CCNYL1: variants seen among roughly 807,000 people sequenced by gnomAD.
CCNYL1 encodes the protein cyclin-Y-like protein 1.
Under a neutral mutation model 44.2 loss-of-function variants are expected in CCNYL1, and 16 were observed. The ratio of observed to expected loss-of-function variants is 0.36; its 90% CI spans 0.25 to 0.55. The LOEUF (loss-of-function observed/expected upper bound fraction) is 0.55, where lower values mean the gene tolerates loss of function less well. Ranked by LOEUF, CCNYL1 falls within the 20% of genes least tolerant of loss-of-function variation. The probability of loss-of-function intolerance (pLI) is 0.85; values close to 1 mark genes in which losing one functional copy is unlikely to be tolerated. For missense variants in CCNYL1, 348 were observed against 451.8 expected (o/e 0.77, Z 2.08); for synonymous variants, 159 against 163.2 (o/e 0.97, Z 0.20).
intron 1 of CCNYL1, among the ~76,000 whole-genome samples, chr2:207,720,497 T>C (rs1575209711): frequency 6.6e-6 from 1 of 151,434 alleles, no homozygotes; most frequent in South Asian, 2.1e-4. Flanking sequence ...TAACCTCAAA[T>C]CCCTGGGCTC....
At chr2:207,748,980 A>G (rs914008214) in intron 8 of CCNYL1, among the ~76,000 whole-genome samples, 3 of 152,236 alleles carry the variant, frequency 2.0e-5, no homozygotes, top group African/African-American at 7.2e-5. Flanking sequence ...AAAATTTATT[A>G]TTATGAACAC....
At chr2:207,746,386 A>G (rs1396973861) in intron 7 of CCNYL1, among the ~76,000 whole-genome samples, 1 of 152,228 alleles carries the variant, frequency 6.6e-6, no homozygotes, top group East Asian at 1.9e-4. Flanking sequence ...ACTATCTACC[A>G]TGCAAGTATG....
intron 1 of CCNYL1, among the ~76,000 whole-genome samples, chr2:207,715,985 T>C (rs1169488188): frequency 1.3e-5 from 2 of 152,124 alleles, no homozygotes; most frequent in African/African-American, 4.8e-5. Flanking sequence ...CTCGTCAAGC[T>C]AAGAGATGCT....
chr2:207,722,191 G>C (rs2091645382), intron 1 of CCNYL1, among the ~76,000 whole-genome samples: 1 of 151,188 alleles, frequency 6.6e-6, no homozygotes, highest in Non-Finnish European at 1.5e-5. Context: ...TTCTGCTTCA[G>C]CCTCCCGAGT....
chr2:207,745,524 A>C lies in CCNYL1; in HGVS notation c.640-1523A>C, dbSNP rs79369273. The stretch of plus-strand genomic sequence containing the variant: ...AGAGTGCAGAATTTGGGGGAAAGGG[A>C]ACAGAATCTCTCTTAAGAACATGTC... On this transcript the variant is annotated intron_variant, in intron 7 of 9. Transcript: ENST00000295414. 9.5e-3 allele frequency among the ~76,000 whole-genome samples: 1,442 copies of C among 152,312 alleles called. 16 individuals are homozygous for C. The highest frequency in any genetic ancestry group is 0.015 in the Non-Finnish European group (1,025 of 68,018).
chr2:207,742,255 T>A lies in CCNYL1; in HGVS notation c.552T>A (p.His184Gln). ...REKVPEEYFK[H>Q]DPEHKFIYRF... ...AAGTTCCAGAGGAATACTTTAAGCA[T>A]GATCCTGAGCACAAATTTATTTACA... is the stretch of plus-strand genomic sequence containing the variant. The change falls in exon 7 of 10, where the codon CAT becomes CAA. Residue 184 changes from histidine to glutamine, a missense_variant. By Grantham distance (24) the His-to-Gln change is conservative. Transcript: ENST00000295414. 1 of 1,612,738 alleles carries A rather than the reference T, an allele frequency of 6.2e-7. No homozygotes were observed. Among genetic ancestry groups the A allele is most frequent in the Non-Finnish European group, 8.5e-7 (1 of 1,179,804 alleles).
intron 9 of CCNYL1, among the ~76,000 whole-genome samples, chr2:207,751,847 T>C (rs923942131): frequency 1.7e-5 from 2 of 115,972 alleles, no homozygotes; most frequent in Non-Finnish European, 3.5e-5. Context: ...AGAGCGAAAC[T>C]CCATCTCAAA....
chr2:207,743,162 T>A (rs765593969), intron 7 of CCNYL1, among the ~76,000 whole-genome samples: 1 of 152,348 alleles, frequency 6.6e-6, no homozygotes, highest in Non-Finnish European at 1.5e-5. Context: ...CAGTGGGTAC[T>A]GGATCAGACT....
rs1258612555 is a variant in CCNYL1, at chr2:207,711,999, G to C, written c.103G>C (p.Ala35Pro). 1 of 1,470,268 alleles carries C rather than the reference G, an allele frequency of 6.8e-7. No individual in the cohort carries two copies. Among genetic ancestry groups the C allele is most frequent in the East Asian group, 2.7e-5 (1 of 36,606 alleles). 91.1% of individuals were successfully genotyped at this position (1,470,268 alleles called of 1,614,324 possible). A position where few individuals can be genotyped will look rare whatever the true frequency, so the allele number is the denominator to read the frequency against. ...GTACTGCGCGTCCGACATCTACGAG[G>C]CGGTGTCCGGGGACGCGGTGGCGGT... ...ELYCASDIYE[A>P]VSGDAVAVAP... is the part of the protein sequence containing the mutation. Residue 35 changes from alanine (A) to proline (P), a missense_variant, in exon 1 of 10, where the codon GCG becomes CCG. Ala to Pro is a conservative substitution (Grantham distance 27). Transcript: ENST00000295414.
chr2:207,730,079 G>A (rs191450132), intron 3 of CCNYL1, among the ~76,000 whole-genome samples: 3 of 152,274 alleles, frequency 2.0e-5, no homozygotes, highest in East Asian at 3.9e-4. Flanking sequence ...TACCTGGGGA[G>A]TACAAGCATG....
At chr2:207,723,308 A>T (rs1410756052) in intron 1 of CCNYL1, among the ~76,000 whole-genome samples, 1 of 152,180 alleles carries the variant, frequency 6.6e-6, no homozygotes, top group African/African-American at 2.4e-5. Flanking sequence ...TAACCAAATT[A>T]CTTGGAAGAG....
rs768074057 is a variant in CCNYL1 at position 207,737,438 on chromosome 2, A to G, written c.459A>G (p.Ile153Met). The change falls in exon 5 of 10, where the codon ATA (isoleucine) becomes ATG (methionine). Residue 153 changes from isoleucine (I) to methionine (M), a missense_variant. Around this residue, in one of 3 missense-constraint regions of CCNYL1, gnomAD observed 209 missense variants for 247.7 expected, o/e 0.84. Transcript: ENST00000295414. ...KCVTLAIYYH[I>M]KNRDANRSLD... is the part of the protein sequence containing the mutation. ...TGACCTTAGCAATATATTACCACAT[A>G]AAGAACAGGTGAGCTCCTTTAAAAC... 2.5e-6 allele frequency: 4 copies of G among 1,610,780 alleles called. No homozygotes were observed. Among genetic ancestry groups the G allele is most frequent in the Non-Finnish European group, 3.4e-6 (4 of 1,177,970 alleles).
At chr2:207,743,556 C>T (rs1559171828) in intron 7 of CCNYL1, among the ~76,000 whole-genome samples, 1 of 152,044 alleles carries the variant, frequency 6.6e-6, no homozygotes, top group Non-Finnish European at 1.5e-5. Context: ...TTGAGTCCAG[C>T]TTGGGCAACA....
chr2:207,722,259 G>C (rs1175778846), intron 1 of CCNYL1, among the ~76,000 whole-genome samples: 1 of 151,890 alleles, frequency 6.6e-6, no homozygotes, highest in African/African-American at 2.4e-5. Context: ...ATTTTTAGTA[G>C]AGATGGGGTT....
intron 7 of CCNYL1, among the ~76,000 whole-genome samples, chr2:207,743,950 G>A (rs955344637): frequency 6.6e-6 from 1 of 152,144 alleles, no homozygotes; most frequent in Admixed American, 6.6e-5. Flanking sequence ...GAGCTACCAA[G>A]TGCTAGAGTA....
At chr2:207,729,100 ACCTTTT>A (rs2091701770) in intron 3 of CCNYL1, among the ~76,000 whole-genome samples, 1 of 151,954 alleles carries the variant, frequency 6.6e-6, no homozygotes, top group Admixed American at 6.6e-5. Context: ...CCCGGCCTAG[ACCTTTT>A]CTTTTTATTG....
intron 5 of CCNYL1, among the ~76,000 whole-genome samples, chr2:207,738,574 T>C (rs1436859609): frequency 6.6e-6 from 1 of 152,182 alleles, no homozygotes; most frequent in Non-Finnish European, 1.5e-5. Flanking sequence ...TTAAAATGGT[T>C]ACAGTGGAAT....
rs140924135 is a variant in CCNYL1 at position 207,753,515 on chromosome 2, A to G, written c.970-73A>G. The G allele has an allele frequency of 1.2e-4, 123 of 1,000,900 alleles. 1 individual carries two copies. The African/African-American group carries it at 1.7e-3, about 14-fold the overall frequency. The allele number at this position is 1,000,900 out of a possible 1,614,324, so 62.0% of individuals were successfully genotyped here. ...AAAGGAGTCCACATGTGTGGCTTTCACAATGGTGCTCTTTCAAAGGCGGGA... is the reference window on the plus strand; with the variant it reads ...AAAGGAGTCCACATGTGTGGCTTTCGCAATGGTGCTCTTTCAAAGGCGGGA... On this transcript the variant is annotated intron_variant, in intron 9 of 9. Transcript: ENST00000295414.
At chr2:207,712,348 T>C (rs1184297271) in intron 1 of CCNYL1, among the ~76,000 whole-genome samples, 2 of 152,186 alleles carry the variant, frequency 1.3e-5, no homozygotes, top group Non-Finnish European at 2.9e-5. Context: ...CGCTTCCCAT[T>C]CTCCCAAGCC....
Sources: gnomAD v4.1 joint callset for allele counts (sites outside exome capture counted in the v4.1 genomes callset) on GRCh38, gnomAD v4.1.1 for gene constraint, gnomAD v4.1.1 regional missense constraint, MANE v1.5 for transcripts, NCBI Gene and HGNC (gene_info 2026-07-23, HGNC 2026-07-21) for gene names.